The following LRRC4C variants were observed in gnomAD, a reference collection of about 807,000 sequenced individuals.
LRRC4C encodes leucine-rich repeat-containing protein 4C.
Under a neutral mutation model 33.6 loss-of-function variants are expected in LRRC4C, and 5 were observed. The observed-to-expected ratio is 0.15, with a 90% CI of 0.08 to 0.31. LRRC4C has a LOEUF of 0.31. LRRC4C is among the 10% of genes least tolerant of loss of function. The pLI is 1.00. For missense variants in LRRC4C, 560 were observed against 796.7 expected (o/e 0.70, Z 3.58); for synonymous variants, 329 against 302.0 (o/e 1.09, Z -0.93).
At chr11:40,336,972 G>A (rs1389676985) in intron 3 of LRRC4C, among the ~76,000 whole-genome samples, 35 of 88,644 alleles carry the variant, frequency 3.9e-4, no homozygotes, top group African/African-American at 6.1e-4. Context: ...GCGAGACTTC[G>A]TCTCAAAAAA....
intron 1 of LRRC4C, among the ~76,000 whole-genome samples, chr11:41,026,795 C>A (rs1394641974): frequency 1.4e-5 from 2 of 148,112 alleles, no homozygotes. Flanking sequence ...CATTTTTTAC[C>A]AAAAAAAAAA....
chr11:41,285,742 A>G (rs533201418), intron 1 of LRRC4C, among the ~76,000 whole-genome samples: 1 of 152,338 alleles, frequency 6.6e-6, no homozygotes, highest in African/African-American at 2.4e-5. Context: ...TTACTTAAAA[A>G]AAGACTAAAT....
intron 3 of LRRC4C, among the ~76,000 whole-genome samples, chr11:40,378,406 G>T (rs1373585286): frequency 6.6e-6 from 1 of 151,742 alleles, no homozygotes; most frequent in Non-Finnish European, 1.5e-5. Context: ...ATTAAATTAT[G>T]ACTTATTGCT....
At chr11:40,861,571 T>C (rs1954103039) in intron 2 of LRRC4C, among the ~76,000 whole-genome samples, 1 of 152,180 alleles carries the variant, frequency 6.6e-6, no homozygotes, top group Non-Finnish European at 1.5e-5. Flanking sequence ...GGCCAAGGAC[T>C]AATTGTGACA....
intron 1 of LRRC4C, among the ~76,000 whole-genome samples, chr11:41,136,759 C>A (rs1343015560): frequency 6.6e-6 from 1 of 152,080 alleles, no homozygotes; most frequent in African/African-American, 2.4e-5. Context: ...CCTCTCCTTC[C>A]CACTACCAAA....
chr11:41,297,759 T>A (rs1950182201), intron 1 of LRRC4C, among the ~76,000 whole-genome samples: 1 of 152,180 alleles, frequency 6.6e-6, no homozygotes, highest in South Asian at 2.1e-4. Flanking sequence ...ATGGATCACT[T>A]TAAAATATGT....
chr11:40,993,629 G>A (rs1853749917), intron 1 of LRRC4C, among the ~76,000 whole-genome samples: 1 of 152,092 alleles, frequency 6.6e-6, no homozygotes, highest in African/African-American at 2.4e-5. Context: ...ATCCCCTTCA[G>A]GGACTTTCTC....
intron 2 of LRRC4C, among the ~76,000 whole-genome samples, chr11:40,806,032 C>T (rs1356414704): frequency 1.3e-5 from 2 of 152,180 alleles, no homozygotes; most frequent in Admixed American, 1.3e-4. Context: ...TCCCACCCAG[C>T]TTCAGTAGTA....
intron 1 of LRRC4C, among the ~76,000 whole-genome samples, chr11:41,449,945 T>C (rs1955965520): frequency 6.6e-6 from 1 of 152,132 alleles, no homozygotes; most frequent in Non-Finnish European, 1.5e-5. Context: ...AAATGTATTA[T>C]TGTGAAACTG....
At chr11:40,245,998 G>A (rs758202994) in intron 4 of LRRC4C, among the ~76,000 whole-genome samples, 9 of 145,728 alleles carry the variant, frequency 6.2e-5, no homozygotes, top group Non-Finnish European at 9.0e-5. Context: ...TTGAGATGGA[G>A]TTTTTGCTCT....
At chr11:41,268,524 A>G (rs1479246741) in intron 1 of LRRC4C, among the ~76,000 whole-genome samples, 2 of 152,138 alleles carry the variant, frequency 1.3e-5, no homozygotes, top group Non-Finnish European at 2.9e-5. Flanking sequence ...CTTCATCTTG[A>G]AAACTATTTA....
intron 3 of LRRC4C, among the ~76,000 whole-genome samples, chr11:40,477,827 CTG>C (rs1362870898): frequency 6.6e-5 from 10 of 152,136 alleles, no homozygotes; most frequent in Non-Finnish European, 1.5e-5. Flanking sequence ...TGGTTTGGCT[CTG>C]TGTCCCCACC....
chr11:40,274,010 T>A (rs1327846801), intron 4 of LRRC4C, among the ~76,000 whole-genome samples: 1 of 152,060 alleles, frequency 6.6e-6, no homozygotes, highest in African/African-American at 2.4e-5. Flanking sequence ...TAAAAACCTA[T>A]CACTTTAATC....
intron 4 of LRRC4C, among the ~76,000 whole-genome samples, chr11:40,269,427 C>G (rs1942523488): frequency 6.6e-6 from 1 of 152,050 alleles, no homozygotes; most frequent in South Asian, 2.1e-4. Context: ...TTTCTATTTA[C>G]TATTATCCCA....
chr11:40,411,676 A>G (rs188902717), intron 3 of LRRC4C, among the ~76,000 whole-genome samples: 124 of 152,208 alleles, frequency 8.1e-4, no homozygotes, highest in African/African-American at 2.8e-3. Context: ...TTAGTGATGC[A>G]GGTTTTAAGA....
chr11:41,122,576 C>CAT lies in LRRC4C; in HGVS notation c.-495-188854_-495-188853insAT, dbSNP rs1433860057. On this transcript the variant is annotated intron_variant, in intron 1 of 6. Transcript: ENST00000528697. ...AATATGCCCAGATGATTTCTTGTGC[C>CAT]AATCATCATACAGGTTAGTAATAGA... Among the ~76,000 whole-genome samples the CAT allele has an allele frequency of 2.0e-5, 3 of 151,646 alleles. No homozygotes were observed. In the East Asian group the frequency reaches 5.8e-4, roughly 29 times the overall value.
chr11:40,120,289 A>G (rs559587522), intron 6 of LRRC4C, among the ~76,000 whole-genome samples: 1 of 152,178 alleles, frequency 6.6e-6, no homozygotes, highest in African/African-American at 2.4e-5. Context: ...CCCCTGCCCC[A>G]TTTATATCAT....
At chr11:40,681,250 A>G (rs1944671776) in intron 2 of LRRC4C, among the ~76,000 whole-genome samples, 1 of 152,220 alleles carries the variant, frequency 6.6e-6, no homozygotes, top group Non-Finnish European at 1.5e-5. Context: ...AACAACCAGT[A>G]CAAGAGTACA....
intron 1 of LRRC4C, among the ~76,000 whole-genome samples, chr11:41,188,258 G>A (rs1187038060): frequency 6.6e-6 from 1 of 152,012 alleles, no homozygotes; most frequent in South Asian, 2.1e-4. Flanking sequence ...GAATTCCCAC[G>A]TTTACAGTTT....
Sources: gnomAD v4.1 joint callset for allele counts (sites outside exome capture counted in the v4.1 genomes callset) on GRCh38, gnomAD v4.1.1 for gene constraint, MANE v1.5 for transcripts, NCBI Gene and HGNC (gene_info 2026-07-23, HGNC 2026-07-21) for gene names.